RSBN1L: variants seen among roughly 807,000 people sequenced by gnomAD.
RSBN1L encodes the protein round spermatid basic protein 1 like, also known as lysine-specific demethylase RSBN1L.
A neutral mutation model predicts 67.7 loss-of-function variants in RSBN1L; 30 were observed. The ratio of observed to expected loss-of-function variants is 0.44; its 90% CI spans 0.33 to 0.60. RSBN1L has a LOEUF of 0.60. Ranked by LOEUF, RSBN1L falls within the 20% of genes least tolerant of loss-of-function variation. The pLI, the probability that RSBN1L is intolerant of heterozygous loss-of-function variation, is 0.02. For missense variants in RSBN1L, 992 were observed against 1,031.7 expected (o/e 0.96, Z 0.53); for synonymous variants, 433 against 387.0 (o/e 1.12, Z -1.39).
At chr7:77,710,455 A>G (rs940543179) in intron 1 of RSBN1L, among the ~76,000 whole-genome samples, 1 of 151,900 alleles carries the variant, frequency 6.6e-6, no homozygotes, top group African/African-American at 2.4e-5. Flanking sequence ...CCAGCTCCAC[A>G]CTTTTACTAC....
chr7:77,780,993 C>CT lies in RSBN1L; in HGVS notation c.*1828dup, dbSNP rs1396604548. The stretch of plus-strand genomic sequence containing the variant: ...TGGTTGATGACTTTCAATTGGGGTT[C>CT]TTTGTGCTGCCTTTTGGGTTACTGT... On this transcript the variant is annotated 3_prime_UTR_variant, in exon 8 of 8. Coordinates refer to ENST00000334955, the MANE Select transcript of RSBN1L (RefSeq NM_198467.3). 6.6e-6 allele frequency: 1 copy of CT among 152,186 alleles called. No individual in the cohort carries two copies. The highest frequency in any genetic ancestry group is 1.5e-5 in the Non-Finnish European group (1 of 68,030). The allele number at this position is 152,186 out of a possible 1,614,324, so 9.4% of individuals were successfully genotyped here.
intron 1 of RSBN1L, among the ~76,000 whole-genome samples, chr7:77,728,897 A>C (rs1003503749): frequency 2.6e-5 from 4 of 152,086 alleles, no homozygotes; most frequent in Non-Finnish European, 5.9e-5. Context: ...CTCAGGTTTG[A>C]GTTCTGGGAT....
chr7:77,706,554 T>A (rs901858467), intron 1 of RSBN1L, among the ~76,000 whole-genome samples: 10 of 152,120 alleles, frequency 6.6e-5, no homozygotes, highest in Non-Finnish European at 1.2e-4. Context: ...AACCATTTCA[T>A]TGGGGGTTAA....
At chr7:77,751,131 G>A (rs59448850) in intron 3 of RSBN1L, among the ~76,000 whole-genome samples, 90 of 149,160 alleles carry the variant, frequency 6.0e-4, no homozygotes, top group African/African-American at 2.2e-3. Context: ...GTAGATTGTA[G>A]TCTGGAAAAT....
chr7:77,746,827 C>T (rs576801613), intron 2 of RSBN1L, among the ~76,000 whole-genome samples: 43 of 152,256 alleles, frequency 2.8e-4, no homozygotes, highest in South Asian at 1.2e-3. Context: ...CATGCAAGTC[C>T]GAAACCCAGC....
At chr7:77,768,502 A>G in intron 4 of RSBN1L, 159 bp from the exon 5 acceptor site, 1 of 640,912 alleles carries the variant, frequency 1.6e-6, no homozygotes, top group South Asian at 2.2e-5. Flanking sequence ...AGCAAAGTAT[A>G]TCAATATATA....
intron 2 of RSBN1L, among the ~76,000 whole-genome samples, chr7:77,747,784 T>A (rs912576232): frequency 6.6e-6 from 1 of 152,190 alleles, no homozygotes; most frequent in African/African-American, 2.4e-5. Context: ...TTTTCTGTAT[T>A]AGTCCATTCT....
chr7:77,713,623 T>C (rs1043206312), intron 1 of RSBN1L, among the ~76,000 whole-genome samples: 1 of 151,912 alleles, frequency 6.6e-6, no homozygotes, highest in Admixed American at 6.6e-5. Flanking sequence ...CCCAAAGTGC[T>C]GGGATTACAG....
intron 2 of RSBN1L, among the ~76,000 whole-genome samples, chr7:77,742,817 G>A (rs180825903): frequency 5.7e-4 from 87 of 152,302 alleles, no homozygotes; most frequent in Non-Finnish European, 9.3e-4. Flanking sequence ...CACCCTGGGC[G>A]ACAGAGTGAG....
chr7:77,765,501 A>G lies in RSBN1L; in HGVS notation c.1351A>G (p.Arg451Gly). ...TMSNFHAQVK[R>G]TYSHGTYRAG... ...TAAATCCATGTTTCTTCAGGTAAAA[A>G]GAACGTATTCTCATGGTACTTACAG... Residue 451 changes from arginine (R) to glycine (G), a missense_variant, in exon 4 of 8, where the codon AGA becomes GGA. By Grantham distance (125) the Arg-to-Gly change is moderately radical. Transcript: ENST00000334955. 1 of 1,545,704 alleles carries G rather than the reference A, an allele frequency of 6.5e-7. No homozygotes were observed. Among genetic ancestry groups the G allele is most frequent in the Non-Finnish European group, 8.7e-7 (1 of 1,142,932 alleles).
At chr7:77,765,099 T>G (rs1791744728) in intron 3 of RSBN1L, among the ~76,000 whole-genome samples, 1 of 152,200 alleles carries the variant, frequency 6.6e-6, no homozygotes, top group African/African-American at 2.4e-5. Context: ...TTTGAAAATG[T>G]TGATGAAAAG....
At chr7:77,735,004 C>CA (rs1434499973) in intron 1 of RSBN1L, among the ~76,000 whole-genome samples, 1 of 150,870 alleles carries the variant, frequency 6.6e-6, no homozygotes, top group Non-Finnish European at 1.5e-5. Context: ...TTTGTTGAGT[C>CA]AGTGAATTCC....
At chr7:77,763,334 T>C (rs1791720255) in intron 3 of RSBN1L, among the ~76,000 whole-genome samples, 2 of 152,150 alleles carry the variant, frequency 1.3e-5, no homozygotes, top group Admixed American at 1.3e-4. Context: ...TGTTTTACAA[T>C]ATCAGTTGTT....
chr7:77,746,445 T>G (rs1047622326), intron 2 of RSBN1L, among the ~76,000 whole-genome samples: 1 of 152,080 alleles, frequency 6.6e-6, no homozygotes, highest in African/African-American at 2.4e-5. Context: ...ATGATTTCAG[T>G]TACCTCCTAC....
chr7:77,760,019 A>T (rs965721495), intron 3 of RSBN1L, among the ~76,000 whole-genome samples: 1 of 152,176 alleles, frequency 6.6e-6, no homozygotes, highest in Non-Finnish European at 1.5e-5. Flanking sequence ...GGGGTTTTTT[A>T]AAAAATTACT....
chr7:77,750,898 G>A (rs1282276134), intron 3 of RSBN1L, among the ~76,000 whole-genome samples: 2 of 152,176 alleles, frequency 1.3e-5, no homozygotes, highest in Non-Finnish European at 1.5e-5. Context: ...GTAAACAGAC[G>A]TAGAGAGAGA....
At chr7:77,702,065 G>T (rs973572690) in intron 1 of RSBN1L, among the ~76,000 whole-genome samples, 5 of 151,542 alleles carry the variant, frequency 3.3e-5, no homozygotes, top group African/African-American at 1.2e-4. Context: ...TCCCAGGTTC[G>T]CATGATTCTC....
At chr7:77,699,404 C>G (rs139007793) in intron 1 of RSBN1L, among the ~76,000 whole-genome samples, 3 of 152,286 alleles carry the variant, frequency 2.0e-5, no homozygotes, top group African/African-American at 4.8e-5. Context: ...TTAAAAAGTC[C>G]TAAGTCAGAA....
intron 1 of RSBN1L, 189 bp downstream of exon 1, chr7:77,697,244 G>A: frequency 2.0e-6 from 1 of 498,516 alleles, no homozygotes; most frequent in Non-Finnish European, 3.1e-6. Flanking sequence ...TGTAATTTCG[G>A]TTGCAGAGAG....
Sources: allele counts gnomAD v4.1 joint callset (sites outside exome capture counted in the v4.1 genomes callset), GRCh38; gene constraint gnomAD v4.1.1; transcripts MANE v1.5; gene names NCBI Gene and HGNC (gene_info 2026-07-23, HGNC 2026-07-21).